GRIK2: variants seen among roughly 807,000 people sequenced by gnomAD.
GRIK2 encodes glutamate receptor ionotropic, kainate 2.
Under a neutral mutation model 100.3 loss-of-function variants are expected in GRIK2, and 32 were observed. That is an observed-to-expected ratio of 0.32 (90% CI 0.24 to 0.43). The LOEUF (loss-of-function observed/expected upper bound fraction) is 0.43. Among genes scored for constraint, GRIK2 ranks in the 20% least tolerant of loss-of-function variants. The probability of loss-of-function intolerance (pLI) is 1.00; values close to 1 mark genes in which losing one functional copy is unlikely to be tolerated. For missense variants in GRIK2, 843 were observed against 1,114.9 expected (o/e 0.76, Z 3.47); for synonymous variants, 417 against 389.4 (o/e 1.07, Z -0.83).
chr6:101,431,742 G>A (rs988034832), intron 2 of GRIK2, among the ~76,000 whole-genome samples: 3 of 152,114 alleles, frequency 2.0e-5, no homozygotes, highest in Non-Finnish European at 4.4e-5. Context: ...TTGTTACTTG[G>A]CCTGCATGGA....
At chr6:101,629,236 G>A (rs1479110689) in intron 4 of GRIK2, among the ~76,000 whole-genome samples, 2 of 152,106 alleles carry the variant, frequency 1.3e-5, no homozygotes, top group Non-Finnish European at 2.9e-5. Context: ...GACATAGACA[G>A]TTGGATATTT....
intron 3 of GRIK2, 33 bp from the exon 4 acceptor site, chr6:101,626,347 C>G (rs537843847): frequency 6.3e-7 from 1 of 1,579,788 alleles, no homozygotes; most frequent in Non-Finnish European, 8.6e-7. Flanking sequence ...CACCTCTCCT[C>G]TCATTATTGA....
At chr6:101,758,411 A>G (rs956590188) in intron 7 of GRIK2, among the ~76,000 whole-genome samples, 1 of 152,200 alleles carries the variant, frequency 6.6e-6, no homozygotes, top group African/African-American at 2.4e-5. Context: ...TCCTTAAAAT[A>G]TAGTTTATGT....
intron 7 of GRIK2, among the ~76,000 whole-genome samples, chr6:101,765,483 C>G (rs1179073234): frequency 6.7e-6 from 1 of 149,978 alleles, no homozygotes; most frequent in Admixed American, 6.6e-5. Context: ...TTGGACACAT[C>G]ATTTTTTTTT....
At chr6:101,474,666 T>C (rs528100130) in intron 2 of GRIK2, among the ~76,000 whole-genome samples, 29 of 151,982 alleles carry the variant, frequency 1.9e-4, no homozygotes, top group Admixed American at 7.9e-4. Flanking sequence ...ACTAAGCTTA[T>C]CACTGTTATA....
intron 2 of GRIK2, among the ~76,000 whole-genome samples, chr6:101,480,258 A>G (rs1772458096): frequency 6.6e-6 from 1 of 152,138 alleles, no homozygotes; most frequent in Non-Finnish European, 1.5e-5. Flanking sequence ...AGAGCAGTAA[A>G]CTTTCCTGAT....
chr6:101,928,642 G>A lies in GRIK2; in HGVS notation c.2085+10G>A, dbSNP rs2243355. On this transcript the variant is annotated intron_variant, in intron 14 of 16. Transcript: ENST00000369134. Reference sequence around the variant, plus strand: ...CATGACTTTTTTCAAGGTAAGTTCTGCTGGTTACCTAAAATTTACAAATTA... The same window carrying A: ...CATGACTTTTTTCAAGGTAAGTTCTACTGGTTACCTAAAATTTACAAATTA... 0.31 allele frequency: 413,974 copies of A among 1,355,590 alleles called. 67,453 individuals carry two copies. The highest frequency in any genetic ancestry group is 0.34 in the Non-Finnish European group (320,263 of 945,494). The allele number at this position is 1,355,590 out of a possible 1,614,324, so 84.0% of individuals were successfully genotyped here. A position where few individuals can be genotyped will look rare whatever the true frequency, so the allele number is the denominator to read the frequency against.
At chr6:101,665,983 C>T (rs914549745) in intron 4 of GRIK2, among the ~76,000 whole-genome samples, 86 of 152,044 alleles carry the variant, frequency 5.7e-4, no homozygotes, top group African/African-American at 1.9e-3. Context: ...AAAATAGAGA[C>T]GTAGCATTAT....
chr6:101,775,571 C>T (rs1169318522), intron 7 of GRIK2, among the ~76,000 whole-genome samples: 2 of 149,944 alleles, frequency 1.3e-5, no homozygotes, highest in African/African-American at 4.9e-5. Flanking sequence ...TACACACACA[C>T]ACATTACTGT....
At chr6:101,683,065 T>A (rs1281598517) in intron 6 of GRIK2, among the ~76,000 whole-genome samples, 1 of 151,930 alleles carries the variant, frequency 6.6e-6, no homozygotes, top group Non-Finnish European at 1.5e-5. Flanking sequence ...TAGCCGGGCA[T>A]GGTGGTGGGT....
chr6:101,400,418 G>C (rs1341056117), intron 2 of GRIK2, among the ~76,000 whole-genome samples: 1 of 152,118 alleles, frequency 6.6e-6, no homozygotes, highest in Admixed American at 6.5e-5. Flanking sequence ...ACTAGTCAGG[G>C]AAAGTTCCCT....
At chr6:101,521,624 T>G (rs1457346993) in intron 2 of GRIK2, among the ~76,000 whole-genome samples, 1 of 151,894 alleles carries the variant, frequency 6.6e-6, no homozygotes, top group African/African-American at 2.4e-5. Flanking sequence ...GCGTAAAATT[T>G]TTTTAATAAT....
intron 2 of GRIK2, among the ~76,000 whole-genome samples, chr6:101,458,889 T>C (rs1005310451): frequency 6.6e-6 from 1 of 152,190 alleles, no homozygotes; most frequent in Non-Finnish European, 1.5e-5. Flanking sequence ...ATATGGCTTG[T>C]ATTAATTTAA....
At chr6:101,794,592 A>T (rs1262660849) in intron 7 of GRIK2, among the ~76,000 whole-genome samples, 1 of 150,390 alleles carries the variant, frequency 6.6e-6, no homozygotes, top group Non-Finnish European at 1.5e-5. Flanking sequence ...CTTTTATATG[A>T]TGTCTATCTC....
At chr6:101,412,607 A>G (rs1477464134) in intron 2 of GRIK2, among the ~76,000 whole-genome samples, 2 of 152,058 alleles carry the variant, frequency 1.3e-5, no homozygotes, top group Non-Finnish European at 2.9e-5. Context: ...GTTTAGCAAT[A>G]TGTGTCTAAA....
intron 14 of GRIK2, among the ~76,000 whole-genome samples, chr6:101,946,934 C>T (rs1156297029): frequency 6.6e-6 from 1 of 152,130 alleles, no homozygotes; most frequent in African/African-American, 2.4e-5. Flanking sequence ...GAATGTTACA[C>T]AGGGACACTA....
At chr6:101,672,274 G>T (rs1449647559) in intron 4 of GRIK2, among the ~76,000 whole-genome samples, 2 of 152,094 alleles carry the variant, frequency 1.3e-5, no homozygotes, top group Non-Finnish European at 2.9e-5. Flanking sequence ...AGATTTGTTT[G>T]TTAGCAACCC....
chr6:101,760,464 T>A (rs1310040357), intron 7 of GRIK2, among the ~76,000 whole-genome samples: 1 of 22,626 alleles, frequency 4.4e-5, no homozygotes, highest in Non-Finnish European at 7.9e-5. Flanking sequence ...ATTAATTATA[T>A]TTAATTATAT....
At chr6:102,039,041 ACC>A (rs1161669436) in intron 15 of GRIK2, among the ~76,000 whole-genome samples, 1 of 151,060 alleles carries the variant, frequency 6.6e-6, no homozygotes, top group Non-Finnish European at 1.5e-5. Flanking sequence ...GCATATATCC[ACC>A]CCTGCCCCAT....
Sources: allele counts gnomAD v4.1 joint callset (sites outside exome capture counted in the v4.1 genomes callset), GRCh38; gene constraint gnomAD v4.1.1; transcripts MANE v1.5; gene names NCBI Gene and HGNC (gene_info 2026-07-23, HGNC 2026-07-21).